Variants in ZNF683 observed in about 807,000 individuals in gnomAD.
ZNF683 encodes tissue-resident T-cell transcription regulator protein ZNF683.
Under a neutral mutation model 31.4 loss-of-function variants are expected in ZNF683, and 20 were observed. The observed-to-expected ratio is 0.64, with a 90% CI of 0.45 to 0.93. ZNF683 has a LOEUF of 0.93. Among genes scored for constraint, ZNF683 ranks in the 40% least tolerant of loss-of-function variants. The pLI is 0.00. For synonymous variants in ZNF683, 264 were observed against 267.6 expected, an observed-to-expected ratio of 0.99 and a Z score of 0.13; for missense variants, 621 against 637.2, an observed-to-expected ratio of 0.97 and a Z score of 0.27.
Position 26,364,687 on chromosome 1 carries a change from C to G in ZNF683, c.859G>C (p.Glu287Gln), listed in dbSNP as rs375135266. 3.7e-6 allele frequency: 6 copies of G among 1,613,796 alleles called. No homozygotes were observed. The African/African-American group carries it at 6.7e-5, about 18-fold the overall frequency. ...GAAPTDSPGLERGGMASPAKR... is the reference protein window; with the variant it reads ...GAAPTDSPGLQRGGMASPAKR... Reference sequence around the variant, plus strand: ...GCTGGAGATGCCATGCCACCACGCTCCAGGCCTGGGGAGTCGGTTGGGGCA... The same window carrying G: ...GCTGGAGATGCCATGCCACCACGCTGCAGGCCTGGGGAGTCGGTTGGGGCA... Residue 287 changes from glutamate to glutamine, a missense_variant, in exon 4 of 6, where the codon GAG becomes CAG. By Grantham distance (29) the Glu-to-Gln change is conservative (BLOSUM62 2). Transcript: ENST00000349618.
rs372572324 is a variant in ZNF683, at chr1:26,370,060, C to T, written c.-14-1475G>A. 1.2e-4 allele frequency among the ~76,000 whole-genome samples: 19 copies of T among 152,202 alleles called. No homozygotes were observed. In the Middle Eastern group the frequency reaches 0.014, roughly 109 times the overall value. On this transcript the variant is annotated intron_variant, in intron 1 of 5. Transcript: ENST00000349618. ...AATCAGAAGTGAAGAGCAGAGCTCTCCTGAGAGGAGAGGAAGGCCCTCACG... is the reference window on the plus strand; with the variant it reads ...AATCAGAAGTGAAGAGCAGAGCTCTTCTGAGAGGAGAGGAAGGCCCTCACG...
intron 3 of ZNF683, among the ~76,000 whole-genome samples, chr1:26,366,784 T>C (rs192652205): frequency 6.6e-6 from 1 of 152,048 alleles, no homozygotes; most frequent in East Asian, 2.0e-4. Flanking sequence ...GCCTCCTGAG[T>C]CGCTGGGACT....
chr1:26,363,595 C>T (rs919128455), intron 4 of ZNF683, among the ~76,000 whole-genome samples: 2 of 151,982 alleles, frequency 1.3e-5, no homozygotes, highest in Non-Finnish European at 2.9e-5. Flanking sequence ...CATTGGGACC[C>T]CGTATGCACA....
chr1:26,361,745 A>G lies in ZNF683; in HGVS notation c.1421T>C (p.Val474Ala). The change falls in exon 6 of 6, where the codon GTC becomes GCC. Residue 474 changes from valine to alanine, a missense_variant. Transcript: ENST00000349618. ...EKHMGYDIDE[V>A]KVSSTSQGKA... Reference sequence around the variant, plus strand: ...CCCCTGGGATGTCGAGGACACTTTGACCTCATCTATGTCATAGCCCATGTG... The same window carrying G: ...CCCCTGGGATGTCGAGGACACTTTGGCCTCATCTATGTCATAGCCCATGTG... 6.2e-7 allele frequency: 1 copy of G among 1,613,840 alleles called. No homozygotes were observed.
Position 26,361,691 on chromosome 1 carries a change from G to A in ZNF683, c.1475C>T (p.Ala492Val), listed in dbSNP as rs1333631855. 2 of 1,613,902 alleles carry A rather than the reference G, an allele frequency of 1.2e-6. No homozygotes were observed. Among genetic ancestry groups the A allele is most frequent in the South Asian group, 2.2e-5 (2 of 91,080 alleles). The change falls in exon 6 of 6, where the codon GCC (alanine) becomes GTC (valine). Residue 492 changes from alanine (A) to valine (V), a missense_variant. By Grantham distance (64) the Ala-to-Val change is moderately conservative. Transcript: ENST00000349618. ...CTGCCCCATCACCAGGGGAGTCCCG[G>A]CACTGCTCAGGCTCACTGCTCTTGC... ...GKARAVSLSS[A>V]GTPLVMGQDQ...
chr1:26,366,284 G>C (rs2074519720), intron 3 of ZNF683, among the ~76,000 whole-genome samples: 2 of 147,240 alleles, frequency 1.4e-5, no homozygotes, highest in African/African-American at 5.1e-5. Context: ...GATTGCTTGA[G>C]CCCAGGAGTT....
rs1384826205 is a variant in ZNF683 at position 26,365,164 on chromosome 1, G to A, written c.382C>T (p.Pro128Ser). Residue 128 changes from proline (P) to serine (S), a missense_variant, in exon 4 of 6, where the codon CCA (proline) becomes TCA (serine). Pro to Ser is a moderately conservative substitution (Grantham distance 74). Coordinates refer to ENST00000349618, the MANE Select transcript of ZNF683 (RefSeq NM_001114759.3). ...TDDKKFTVKY[P>S]QNKDKLGKQP... ...TTTCCCAGCTTGTCCTTGTTCTGTG[G>A]GTACTTGACTGTGAATTTCTTGTCA... The A allele has an allele frequency of 8.7e-6, 14 of 1,610,614 alleles. No individual in the cohort carries two copies. In the South Asian group the frequency reaches 1.4e-4, roughly 17 times the overall value.
In ZNF683 at chr1:26,365,225, C is replaced by T. The variant is rs772748520; in HGVS notation, c.321G>A (p.Lys107=). 6.9e-6 allele frequency: 11 copies of T among 1,590,782 alleles called. No individual in the cohort carries two copies. In the East Asian group the frequency reaches 1.1e-4, roughly 16 times the overall value. ...TGGCCTGCAGCCCTGGTGGCTCGTG[C>T]TCTAAGCAGGAAAAGGAAGGCGGTC... The part of the protein sequence containing the change: ...QGLQEDALSM[K]HEPPGLQASS... Residue 107 remains lysine (K), a splice_region_variant and synonymous_variant, in exon 4 of 6, where the codon AAG becomes AAA. Transcript: ENST00000349618.
intron 1 of ZNF683, among the ~76,000 whole-genome samples, chr1:26,371,915 G>C (rs979043991): frequency 3.9e-5 from 6 of 152,198 alleles, no homozygotes; most frequent in African/African-American, 1.4e-4. Flanking sequence ...CTGGGTGACA[G>C]AGCGAGACCC....
At chr1:26,372,302 T>C (rs2074687912) in intron 1 of ZNF683, among the ~76,000 whole-genome samples, 1 of 152,184 alleles carries the variant, frequency 6.6e-6, no homozygotes, top group Admixed American at 6.5e-5. Context: ...AAGGACAGGG[T>C]CCTCTGTCTA....
intron 1 of ZNF683, chr1:26,370,710 A>G: frequency 1.0e-6 from 1 of 985,602 alleles, no homozygotes; most frequent in Middle Eastern, 5.2e-4. Flanking sequence ...GGAAGGAAGG[A>G]GGTGGGCAGC....
intron 2 of ZNF683, 23 bp downstream of exon 2, chr1:26,368,435 G>C: frequency 6.5e-7 from 1 of 1,540,526 alleles, no homozygotes; most frequent in Non-Finnish European, 8.7e-7. Flanking sequence ...ACCCACAAAG[G>C]TAAGGCTGGG....
At chr1:26,365,274 G>A in intron 3 of ZNF683, 48 bp from the exon 4 acceptor site, 4 of 1,519,512 alleles carry the variant, frequency 2.6e-6, no homozygotes, top group South Asian at 1.2e-5. Flanking sequence ...CTGGGGTGAA[G>A]TTCTGTCCGC....
chr1:26,366,956 T>C (rs1372564873), intron 3 of ZNF683, among the ~76,000 whole-genome samples: 1 of 152,100 alleles, frequency 6.6e-6, no homozygotes, highest in African/African-American at 2.4e-5. Context: ...GTGCCCGGCC[T>C]CCAGTACTTT....
At chr1:26,371,087 TG>T (rs2074658804) in intron 1 of ZNF683, among the ~76,000 whole-genome samples, 1 of 151,970 alleles carries the variant, frequency 6.6e-6, no homozygotes, top group Non-Finnish European at 1.5e-5. Context: ...TAGGCATTGA[TG>T]ATGACAGGGA....
intron 1 of ZNF683, 30 bp downstream of exon 1, chr1:26,372,639 C>A: frequency 7.7e-7 from 1 of 1,304,148 alleles, no homozygotes; most frequent in Non-Finnish European, 1.0e-6. Context: ...ATAAAAACTA[C>A]TTCCCCTCTA....
chr1:26,371,289 C>T (rs1432922725), intron 1 of ZNF683, among the ~76,000 whole-genome samples: 1 of 152,108 alleles, frequency 6.6e-6, no homozygotes, highest in Non-Finnish European at 1.5e-5. Context: ...TCTAGAGGCC[C>T]CAAGAGGCAA....
intron 1 of ZNF683, chr1:26,370,756 G>C: frequency 1.0e-6 from 1 of 984,144 alleles, no homozygotes. Flanking sequence ...GCCCCAGTGG[G>C]AGTGAGAGAT....
rs752327262 is a variant in ZNF683, at chr1:26,368,588, G to A, written c.-14-3C>T. 6.3e-7 allele frequency: 1 copy of A among 1,589,018 alleles called. No individual in the cohort carries two copies. The highest frequency in any genetic ancestry group is 8.6e-7 in the Non-Finnish European group (1 of 1,168,494). ...TTCCTTCATATCCCCATTACCTGCT[G>A]GGAAACAGGTGAGTTAGAGGTAAGC... is the stretch of plus-strand genomic sequence containing the variant. On this transcript the variant is annotated splice_region_variant and splice_polypyrimidine_tract_variant and intron_variant, in intron 1 of 5. Coordinates refer to ENST00000349618, the MANE Select transcript of ZNF683 (RefSeq NM_001114759.3).
Sources: allele counts gnomAD v4.1 joint callset (sites outside exome capture counted in the v4.1 genomes callset), GRCh38; gene constraint gnomAD v4.1.1; transcripts MANE v1.5; gene names NCBI Gene and HGNC (gene_info 2026-07-23, HGNC 2026-07-21).